The following SPIRE1 variants were observed in gnomAD, a reference collection of about 807,000 sequenced individuals.
SPIRE1 encodes the protein spire type actin nucleation factor 1.
A neutral mutation model predicts 94.1 loss-of-function variants in SPIRE1; 40 were observed. The ratio of observed to expected loss-of-function variants is 0.43; its 90% CI spans 0.33 to 0.55. The LOEUF (loss-of-function observed/expected upper bound fraction) is 0.55, where lower values mean the gene tolerates loss of function less well. Among genes scored for constraint, SPIRE1 ranks in the 20% least tolerant of loss-of-function variants. The probability of loss-of-function intolerance (pLI) is 0.06; values close to 1 mark genes in which losing one functional copy is unlikely to be tolerated. For missense variants in SPIRE1, 838 were observed against 975.2 expected (o/e 0.86, Z 1.87); for synonymous variants, 376 against 371.7 (o/e 1.01, Z -0.13).
At chr18:12,452,790 T>C (rs761949683) in intron 14 of SPIRE1, among the ~76,000 whole-genome samples, 1 of 152,252 alleles carries the variant, frequency 6.6e-6, no homozygotes, top group Non-Finnish European at 1.5e-5. Flanking sequence ...TCTTATTTTT[T>C]TTCTGTTCAA....
chr18:12,479,522 T>C (rs375306143), intron 10 of SPIRE1, among the ~76,000 whole-genome samples, 177 bp downstream of exon 10: 5 of 152,326 alleles, frequency 3.3e-5, no homozygotes, highest in African/African-American at 1.2e-4. Context: ...TCTTTACTAA[T>C]AGAAAGTAAT....
intron 1 of SPIRE1, among the ~76,000 whole-genome samples, chr18:12,636,030 C>T (rs763905438): frequency 5.9e-5 from 9 of 151,946 alleles, no homozygotes. Flanking sequence ...GTAGCTGGGA[C>T]TACAGGCACC....
chr18:12,478,777 C>T (rs1411816852), intron 10 of SPIRE1, among the ~76,000 whole-genome samples: 3 of 152,018 alleles, frequency 2.0e-5, no homozygotes, highest in Admixed American at 2.0e-4. Flanking sequence ...ATACTGACAT[C>T]GCAGATGGGG....
chr18:12,544,884 T>C (rs1289700447), intron 3 of SPIRE1, among the ~76,000 whole-genome samples: 1 of 152,206 alleles, frequency 6.6e-6, no homozygotes, highest in Non-Finnish European at 1.5e-5. Flanking sequence ...AATCTGGCTA[T>C]GACATGTTAC....
At chr18:12,494,530 G>T (rs1183620603) in intron 7 of SPIRE1, among the ~76,000 whole-genome samples, 1 of 151,826 alleles carries the variant, frequency 6.6e-6, no homozygotes, top group African/African-American at 2.4e-5. Context: ...AGAGTAAAAA[G>T]CTCAGAGAAA....
intron 3 of SPIRE1, among the ~76,000 whole-genome samples, chr18:12,542,939 G>A (rs2035051200): frequency 6.6e-6 from 1 of 152,104 alleles, no homozygotes; most frequent in Non-Finnish European, 1.5e-5. Context: ...CCATTCTCCT[G>A]CCTTAGCCTC....
At chr18:12,615,335 A>AAAAAAAATAAAAAAAAAT (rs2037258404) in intron 2 of SPIRE1, among the ~76,000 whole-genome samples, 1 of 39,920 alleles carries the variant, frequency 2.5e-5, no homozygotes, top group Non-Finnish European at 8.0e-5. Flanking sequence ...CTCAAAAAAA[A>AAAAAAAATAAAAAAAAAT]AAAAAAAAAA....
chr18:12,549,451 T>G (rs1197370857), intron 2 of SPIRE1, among the ~76,000 whole-genome samples: 17 of 96,774 alleles, frequency 1.8e-4, no homozygotes, highest in Admixed American at 4.8e-4. Flanking sequence ...TTTTTTTTTT[T>G]TTTTTTTTTT....
intron 2 of SPIRE1, among the ~76,000 whole-genome samples, chr18:12,623,487 T>C (rs1024770597): frequency 6.6e-6 from 1 of 152,068 alleles, no homozygotes; most frequent in East Asian, 1.9e-4. Flanking sequence ...AATGAATAAA[T>C]GTACTTTGAA....
chr18:12,654,767 C>T (rs571151427), intron 1 of SPIRE1, among the ~76,000 whole-genome samples: 17 of 152,184 alleles, frequency 1.1e-4, no homozygotes, highest in Admixed American at 5.2e-4. Context: ...CAGTGGCTCA[C>T]GCCTGCAATC....
chr18:12,471,687 C>T (rs969911066), intron 10 of SPIRE1, among the ~76,000 whole-genome samples: 1 of 152,210 alleles, frequency 6.6e-6, no homozygotes, highest in Non-Finnish European at 1.5e-5. Context: ...TCATGAGATA[C>T]ATGGACTTCA....
At chr18:12,482,275 C>T (rs1303415714) in intron 9 of SPIRE1, among the ~76,000 whole-genome samples, 2 of 151,950 alleles carry the variant, frequency 1.3e-5, no homozygotes, top group African/African-American at 2.4e-5. Flanking sequence ...CCAGAGTAGC[C>T]GGGACTACAG....
At chr18:12,509,858 G>A (rs111936257) in intron 5 of SPIRE1, among the ~76,000 whole-genome samples, 5 of 152,188 alleles carry the variant, frequency 3.3e-5, no homozygotes, top group South Asian at 4.1e-4. Context: ...CAAGGCGGGC[G>A]GATCACCAGG....
chr18:12,535,433 C>A (rs760002817), intron 4 of SPIRE1, 43 bp downstream of exon 4: 2 of 1,572,158 alleles, frequency 1.3e-6, no homozygotes, highest in African/African-American at 1.4e-5. Context: ...CAAATGCATG[C>A]CAATCAAACA....
intron 2 of SPIRE1, among the ~76,000 whole-genome samples, chr18:12,550,966 T>C (rs1002850258): frequency 2.0e-5 from 3 of 152,222 alleles, no homozygotes; most frequent in Non-Finnish European, 4.4e-5. Context: ...CTCTACTTTC[T>C]TCCAAAATCT....
chr18:12,614,338 T>C (rs2037225145), intron 2 of SPIRE1, among the ~76,000 whole-genome samples: 1 of 150,908 alleles, frequency 6.6e-6, no homozygotes, highest in African/African-American at 2.4e-5. Flanking sequence ...TTTTACTTAA[T>C]TTATCTACTA....
chr18:12,473,477 T>TA (rs992575619), intron 10 of SPIRE1, among the ~76,000 whole-genome samples: 3 of 152,218 alleles, frequency 2.0e-5, no homozygotes, highest in African/African-American at 7.2e-5. Context: ...TCTTAAAAAA[T>TA]AGAGGACTGA....
intron 6 of SPIRE1, 128 bp downstream of exon 6, chr18:12,506,349 G>A: frequency 2.6e-6 from 2 of 777,248 alleles, no homozygotes; most frequent in African/African-American, 3.4e-5. Flanking sequence ...GGTACAGACA[G>A]GGATTCACCA....
chr18:12,614,537 G>C (rs926517710), intron 2 of SPIRE1, among the ~76,000 whole-genome samples: 3 of 152,076 alleles, frequency 2.0e-5, no homozygotes, highest in Non-Finnish European at 4.4e-5. Flanking sequence ...GAAACTAAGC[G>C]GGAAGCAGTG....
Sources: gnomAD v4.1 joint callset for allele counts (sites outside exome capture counted in the v4.1 genomes callset) on GRCh38, gnomAD v4.1.1 for gene constraint, MANE v1.5 for transcripts, NCBI Gene and HGNC (gene_info 2026-07-23, HGNC 2026-07-21) for gene names.